Variants in SPECC1L observed in about 807,000 individuals in gnomAD.
SPECC1L encodes the protein cytospin-A.
Under a neutral mutation model 116.8 loss-of-function variants are expected in SPECC1L, and 40 were observed. The observed-to-expected ratio is 0.34, with a 90% CI of 0.27 to 0.45. The LOEUF (loss-of-function observed/expected upper bound fraction) is 0.45, where lower values mean the gene tolerates loss of function less well. SPECC1L is among the 20% of genes least tolerant of loss of function. The pLI is 1.00. For missense variants in SPECC1L, 1,110 were observed against 1,373.6 expected, an observed-to-expected ratio of 0.81 and a Z score of 3.03; for synonymous variants, 504 against 500.6, an observed-to-expected ratio of 1.01 and a Z score of -0.09.
chr22:24,364,581 T>C (rs907201734), intron 12 of SPECC1L, among the ~76,000 whole-genome samples: 1 of 150,412 alleles, frequency 6.6e-6, no homozygotes, highest in Non-Finnish European at 1.5e-5. Flanking sequence ...GAGAATCACT[T>C]GAACCCAGGA....
chr22:24,335,349 T>G (rs1405145528), intron 9 of SPECC1L, among the ~76,000 whole-genome samples: 2 of 152,178 alleles, frequency 1.3e-5, no homozygotes, highest in Non-Finnish European at 2.9e-5. Context: ...GCCTCCATGG[T>G]CTGACCCCTG....
At chr22:24,353,986 C>T (rs2041477071) in intron 11 of SPECC1L, among the ~76,000 whole-genome samples, 1 of 152,234 alleles carries the variant, frequency 6.6e-6, no homozygotes, top group South Asian at 2.1e-4. Flanking sequence ...ATGGTGCCAG[C>T]ATCCGCTCAG....
At chr22:24,274,433 C>T (rs1298129922) in intron 1 of SPECC1L, among the ~76,000 whole-genome samples, 6 of 152,150 alleles carry the variant, frequency 3.9e-5, no homozygotes, top group African/African-American at 7.2e-5. Context: ...TCAAAAGGCA[C>T]GTTTTTAAAG....
chr22:24,309,862 T>C (rs1257161159), intron 3 of SPECC1L, among the ~76,000 whole-genome samples: 1 of 152,210 alleles, frequency 6.6e-6, no homozygotes, highest in East Asian at 1.9e-4. Flanking sequence ...CCTATCTTTA[T>C]TTAAATTTTA....
At chr22:24,340,089 G>A (rs913169961) in intron 10 of SPECC1L, among the ~76,000 whole-genome samples, 1 of 144,278 alleles carries the variant, frequency 6.9e-6, no homozygotes, top group Non-Finnish European at 1.5e-5. Flanking sequence ...CTGACATTAT[G>A]TCGTAATTTA....
chr22:24,322,370 G>T lies in SPECC1L; in HGVS notation c.1390G>T (p.Glu464Ter). The change falls in exon 5 of 17, where the codon GAA becomes TAA. Residue 464 changes from glutamate to a stop codon, truncating the protein, a stop_gained. Coordinates refer to ENST00000314328, the MANE Select transcript of SPECC1L (RefSeq NM_015330.6). LOFTEE classifies it high-confidence loss of function. ...GTTGGAACACTTTAGTCGACAGATT[G>T]AATACTTCCGCTCTCTTCTAGATGA... Reference protein sequence around the residue: ...DKLEHFSRQIEYFRSLLDEHH... With the variant: ...DKLEHFSRQI 1 of 1,614,200 alleles carries T rather than the reference G, an allele frequency of 6.2e-7. No individual in the cohort carries two copies. Among genetic ancestry groups the T allele is most frequent in the South Asian group, 1.1e-5 (1 of 91,062 alleles).
In SPECC1L at chr22:24,415,949, G is replaced by A. The variant is rs1300337400; in HGVS notation, c.*1326G>A. 2 of 152,270 alleles carry A rather than the reference G, an allele frequency of 1.3e-5. No individual in the cohort carries two copies. Among genetic ancestry groups the A allele is most frequent in the Admixed American group, 1.3e-4 (2 of 15,284 alleles). The allele number at this position is 152,270 out of a possible 1,614,324, so 9.4% of individuals were successfully genotyped here. On this transcript the variant is annotated 3_prime_UTR_variant, in exon 17 of 17. Coordinates refer to ENST00000314328, the MANE Select transcript of SPECC1L (RefSeq NM_015330.6). ...TAGCTATTGGTTTGAACAATGTCCA[G>A]ACAAGACCTGTACCTTTGAGAATAT...
intron 8 of SPECC1L, among the ~76,000 whole-genome samples, chr22:24,334,077 A>G (rs773336589): frequency 2.8e-5 from 4 of 144,248 alleles, no homozygotes; most frequent in Non-Finnish European, 4.5e-5. Context: ...CAGTGGCACT[A>G]TCTCGGCTCA....
intron 11 of SPECC1L, among the ~76,000 whole-genome samples, chr22:24,362,114 A>G (rs2030764413): frequency 6.6e-6 from 1 of 152,180 alleles, no homozygotes; most frequent in Admixed American, 6.5e-5. Context: ...GCCCGTGACC[A>G]GAAAGAACAA....
chr22:24,414,598 C>T lies in SPECC1L; in HGVS notation c.3329C>T (p.Ala1110Val), dbSNP rs139596492. 7.4e-6 allele frequency: 12 copies of T among 1,613,824 alleles called. No homozygotes were observed. Among genetic ancestry groups the T allele is most frequent in the Admixed American group, 3.3e-5 (2 of 59,992 alleles). The part of the protein sequence containing the change: ...DWQNVMLYVT[A>V]IYKYFET ...CAGAACGTGATGCTGTATGTGACGG[C>T]GATCTACAAGTACTTTGAGACCTGA... The change falls in exon 17 of 17, where the codon GCG becomes GTG. Residue 1110 changes from alanine (A) to valine (V), a missense_variant. This residue lies in a region of SPECC1L where 76 missense variants were observed against 148.5 expected (regional missense o/e 0.51). Coordinates refer to ENST00000314328, the MANE Select transcript of SPECC1L (RefSeq NM_015330.6).
chr22:24,414,397 T>C, intron 16 of SPECC1L, 137 bp from the exon 17 acceptor site: 1 of 758,874 alleles, frequency 1.3e-6, no homozygotes, highest in Admixed American at 2.0e-5. Flanking sequence ...GGCCAGGCTT[T>C]AAAAATGTGT....
chr22:24,396,972 T>C (rs1461572542), intron 14 of SPECC1L, among the ~76,000 whole-genome samples: 1 of 152,224 alleles, frequency 6.6e-6, no homozygotes, highest in Non-Finnish European at 1.5e-5. Context: ...GGGGTCCTGG[T>C]GACGGTCCTG....
chr22:24,390,872 C>CTTTTTTTT lies in SPECC1L; in HGVS notation c.3088-20697_3088-20690dup, dbSNP rs1016008966. Among the ~76,000 whole-genome samples the CTTTTTTTT allele has an allele frequency of 8.6e-4, 49 of 57,110 alleles. 2 individuals carry two copies. Among genetic ancestry groups the CTTTTTTTT allele is most frequent in the African/African-American group, 1.5e-3 (20 of 13,204 alleles). 37.5% of individuals were successfully genotyped at this position (57,110 alleles called of 152,430 possible). ...TGTTCCTTTTTTTTTTTTTTCTTTTCTTTTTTTTTTTTTTTTTTTTTTTTT... is the reference window on the plus strand; with the variant it reads ...TGTTCCTTTTTTTTTTTTTTCTTTTCTTTTTTTTTTTTTTTTTTTTTTTTTTTTTTTTT... On this transcript the variant is annotated intron_variant, in intron 14 of 16. Transcript: ENST00000314328.
intron 6 of SPECC1L, 72 bp downstream of exon 6, chr22:24,324,499 A>C: frequency 2.1e-6 from 3 of 1,396,842 alleles, no homozygotes; most frequent in Non-Finnish European, 3.0e-6. Context: ...TGCATTTAGT[A>C]ATAAAATAGG....
At chr22:24,320,302 A>G (rs987582489) in intron 4 of SPECC1L, among the ~76,000 whole-genome samples, 1 of 152,144 alleles carries the variant, frequency 6.6e-6, no homozygotes, top group Admixed American at 6.5e-5. Context: ...AAAACGAACA[A>G]AAAAAACTTC....
chr22:24,363,301 C>T lies in SPECC1L; in HGVS notation c.2784C>T (p.Ser928=). Residue 928 remains serine, a synonymous_variant, in exon 12 of 17, where the codon TCC becomes TCT. Coordinates refer to ENST00000314328, the MANE Select transcript of SPECC1L (RefSeq NM_015330.6). The part of the protein sequence containing the change: ...LRTSSASRPA[S]LPRVPAMESA... Reference sequence around the variant, plus strand: ...CATCTTCAGCCAGCCGGCCTGCTTCCCTGCCAAGAGTGCCTGCGATGGAAA... The same window carrying T: ...CATCTTCAGCCAGCCGGCCTGCTTCTCTGCCAAGAGTGCCTGCGATGGAAA... The T allele has an allele frequency of 1.2e-6, 2 of 1,614,188 alleles. No individual in the cohort carries two copies. Among genetic ancestry groups the T allele is most frequent in the Non-Finnish European group, 1.7e-6 (2 of 1,180,034 alleles).
At chr22:24,290,595 A>G (rs2049139465) in intron 2 of SPECC1L, among the ~76,000 whole-genome samples, 1 of 152,230 alleles carries the variant, frequency 6.6e-6, no homozygotes, top group African/African-American at 2.4e-5. Context: ...AGAGAATCAC[A>G]TATCTGAAGG....
intron 10 of SPECC1L, among the ~76,000 whole-genome samples, chr22:24,340,384 C>CA (rs2041151966): frequency 6.6e-6 from 1 of 151,770 alleles, no homozygotes; most frequent in Non-Finnish European, 1.5e-5. Flanking sequence ...TGACCTCAAG[C>CA]AATCTGCCCT....
intron 12 of SPECC1L, among the ~76,000 whole-genome samples, chr22:24,364,868 CAG>C (rs1302127511): frequency 2.0e-5 from 3 of 152,052 alleles, no homozygotes; most frequent in African/African-American, 2.4e-5. Context: ...TGTAATTAAA[CAG>C]ATGTTTATGT....
Sources: allele counts gnomAD v4.1 joint callset (sites outside exome capture counted in the v4.1 genomes callset), GRCh38; gene constraint gnomAD v4.1.1; regional missense constraint gnomAD v4.1.1; transcripts MANE v1.5; gene names NCBI Gene and HGNC (gene_info 2026-07-23, HGNC 2026-07-21).